Variants in MCF2L observed in about 807,000 individuals in gnomAD.
MCF2L encodes the protein MCF.2 cell line derived transforming sequence like.
MCF2L carries 97 observed loss-of-function variants against 153.4 expected under a neutral mutation model. The observed-to-expected ratio is 0.63, with a 90% CI of 0.54 to 0.75. The LOEUF (loss-of-function observed/expected upper bound fraction) is 0.75. Ranked by LOEUF, MCF2L falls within the 30% of genes least tolerant of loss-of-function variation. The probability of loss-of-function intolerance (pLI) is 0.00; values close to 1 mark genes in which losing one functional copy is unlikely to be tolerated. For missense variants in MCF2L, 1,347 were observed against 1,495.2 expected (o/e 0.90, Z 1.64); for synonymous variants, 659 against 632.2 (o/e 1.04, Z -0.64).
intron 1 of MCF2L, among the ~76,000 whole-genome samples, chr13:112,896,819 A>G (rs1321143192): frequency 6.6e-6 from 1 of 152,166 alleles, no homozygotes; most frequent in African/African-American, 2.4e-5. Context: ...CTGGCATCCC[A>G]ATGCAGGTTC....
rs1026931658 is a variant in MCF2L at position 113,045,064 on chromosome 13, G to C, written c.279-207G>C. ...TGAGAAATAAGAACACACCAAAAGT[G>C]CCTGCCCTTCCGTAGATGAGAGCAG... On this transcript the variant is annotated intron_variant, in intron 3 of 29. Transcript: ENST00000535094. The surrounding 1 kb of genome is among the most constrained non-coding windows in gnomAD (Gnocchi z 4.2). 6.8e-6 allele frequency: 7 copies of C among 1,033,270 alleles called. No individual in the cohort carries two copies. The highest frequency in any genetic ancestry group is 9.9e-6 in the Non-Finnish European group (7 of 704,474). 64.0% of individuals were successfully genotyped at this position (1,033,270 alleles called of 1,614,324 possible). A position where few individuals can be genotyped will look rare whatever the true frequency, so the allele number is the denominator to read the frequency against.
intron 1 of MCF2L, among the ~76,000 whole-genome samples, chr13:112,989,098 G>A (rs372911820): frequency 1.6e-5 from 1 of 62,166 alleles, no homozygotes; most frequent in African/African-American, 5.5e-5. Flanking sequence ...AGGGGATGGA[G>A]CTACCACACC....
chr13:113,091,569 GTTTGCCCCGACAC>G (rs2035217136), intron 26 of MCF2L, among the ~76,000 whole-genome samples: 1 of 152,172 alleles, frequency 6.6e-6, no homozygotes. Context: ...CTGTGGCACA[GTTTGCCCCGACAC>G]TTCCTGCTGG....
At chr13:112,950,470 T>C (rs1158021706) in intron 2 of MCF2L, among the ~76,000 whole-genome samples, 3 of 152,204 alleles carry the variant, frequency 2.0e-5, no homozygotes, top group Non-Finnish European at 4.4e-5. Context: ...GGAATCATTC[T>C]ACCCAATACT....
rs571110302 is a variant in MCF2L at position 113,092,498 on chromosome 13, G to T, written c.2954-2016G>T. ...TGGCGTCGAAGCCGGGCCACTGCCC[G>T]TGGGTCATTTCTGCTGTGGTTGGTG... On this transcript the variant is annotated intron_variant, in intron 26 of 29. Transcript: ENST00000535094. Among the ~76,000 whole-genome samples the T allele has an allele frequency of 1.6e-3, 248 of 152,322 alleles. 1 individual carries two copies. Among genetic ancestry groups the T allele is most frequent in the African/African-American group, 5.7e-3 (237 of 41,576 alleles).
At chr13:113,034,937 G>T (rs114826483) in intron 3 of MCF2L, among the ~76,000 whole-genome samples, 11,088 of 152,272 alleles carry the variant, frequency 0.073, 501 homozygotes, top group Non-Finnish European at 0.093. Flanking sequence ...GGCAAGGCAG[G>T]CCCGCAGTCC....
chr13:113,045,244 A>C lies in MCF2L; in HGVS notation c.279-27A>C. The C allele has an allele frequency of 1.9e-6, 3 of 1,585,258 alleles. No homozygotes were observed. The highest frequency in any genetic ancestry group is 2.6e-6 in the Non-Finnish European group (3 of 1,154,130). On this transcript the variant is annotated intron_variant, in intron 3 of 29. Coordinates refer to ENST00000535094, the MANE Select transcript of MCF2L (RefSeq NM_001112732.3). The surrounding 1 kb of genome is among the most constrained non-coding windows in gnomAD (Gnocchi z 4.2). ...AGCCGGCTTCCCACCTGCACACATTAACGGCGGCGTCTCTTCCTCACTGCA... is the reference window on the plus strand; with the variant it reads ...AGCCGGCTTCCCACCTGCACACATTCACGGCGGCGTCTCTTCCTCACTGCA...
chr13:112,982,994 A>C (rs995970622), intron 1 of MCF2L, among the ~76,000 whole-genome samples: 1 of 152,128 alleles, frequency 6.6e-6, no homozygotes, highest in Non-Finnish European at 1.5e-5. Context: ...GGTGACGCTC[A>C]GGAGGCGCTG....
In MCF2L at chr13:112,942,007, G is replaced by A. The variant is rs1370316793; in HGVS notation, c.169+39636G>A. Among the ~76,000 whole-genome samples, 5 of 152,176 alleles carry A rather than the reference G, an allele frequency of 3.3e-5. No homozygotes were observed. The South Asian group carries it at 8.3e-4, about 25-fold the overall frequency. On this transcript the variant is annotated intron_variant, in intron 2 of 29. Coordinates refer to the MCF2L transcript ENST00000375608. ...GTTGCCAAGCGGACCATGGTCTAGC[G>A]GTAGCGTCAGTGTCAAGGAAAAACA...
Position 113,045,108 on chromosome 13 carries a change from T to C in MCF2L, c.279-163T>C. On this transcript the variant is annotated intron_variant, in intron 3 of 29. Coordinates refer to ENST00000535094, the MANE Select transcript of MCF2L (RefSeq NM_001112732.3). This position sits in a 1 kb window ranked among gnomAD's most constrained non-coding sequence, Gnocchi z 4.2. ...AGAGCAGGTTCTGGGACTGCGGGGA[T>C]GGGGCTGCCGGGGCCCCCGTGTGCC... 1.1e-6 allele frequency: 1 copy of C among 912,914 alleles called. No individual in the cohort carries two copies. Among genetic ancestry groups the C allele is most frequent in the Non-Finnish European group, 1.7e-6 (1 of 586,030 alleles). 56.6% of individuals were successfully genotyped at this position (912,914 alleles called of 1,614,324 possible).
intron 3 of MCF2L, among the ~76,000 whole-genome samples, chr13:113,032,524 G>A (rs1048509448): frequency 4.6e-5 from 7 of 152,264 alleles, no homozygotes; most frequent in African/African-American, 1.4e-4. Flanking sequence ...GTGTCGTGGC[G>A]CCCTTCTACC....
rs9549319 is a variant in MCF2L, at chr13:112,920,387, G to C, written c.169+18016G>C. 8.1e-3 allele frequency among the ~76,000 whole-genome samples: 1,229 copies of C among 152,270 alleles called. 11 individuals carry two copies. Among genetic ancestry groups the C allele is most frequent in the Admixed American group, 0.013 (195 of 15,294 alleles). On this transcript the variant is annotated intron_variant, in intron 2 of 29. Transcript: ENST00000375608. ...TTGCTGCTGGCTTGTGTGTGTGTGT[G>C]CACACGCGTGTTTGTGATCAGTTAT...
At chr13:112,971,094 C>T (rs571606219) in intron 1 of MCF2L, among the ~76,000 whole-genome samples, 9 of 152,306 alleles carry the variant, frequency 5.9e-5, no homozygotes, top group African/African-American at 2.2e-4. Context: ...TTTCTGCTCA[C>T]GCTGTGTGAG....
intron 5 of MCF2L, among the ~76,000 whole-genome samples, chr13:113,061,278 G>A (rs2031364066): frequency 1.3e-5 from 2 of 152,140 alleles, no homozygotes; most frequent in Non-Finnish European, 2.9e-5. Flanking sequence ...CACTGAGAAA[G>A]CACCTTCAGT....
At position 112,993,859 on chromosome 13, in the gene MCF2L, G is replaced by A. The variant is rs568134555; in HGVS notation, c.80-20904G>A. Among the ~76,000 whole-genome samples, 1 of 152,218 alleles carries A rather than the reference G, an allele frequency of 6.6e-6. No individual in the cohort carries two copies. The highest frequency in any genetic ancestry group is 1.9e-4 in the East Asian group (1 of 5,160). On this transcript the variant is annotated intron_variant, in intron 1 of 29. Transcript: ENST00000535094. The surrounding 1 kb of genome is among the most constrained non-coding windows in gnomAD (Gnocchi z 4.6). ...GTTAAGAGACGTGTTTGCCTCCTGG[G>A]TGGGTAGGATTTTCCCCTCCCTTAG...
In MCF2L at chr13:112,997,984, GTGCGTCGGCTCTGTGCCC is replaced by G. The variant is rs1039968107; in HGVS notation, c.80-16773_80-16756del. ...CCGCAGCAGCAGCTGTATGAAGCCG[GTGCGTCGGCTCTGTGCCC>G]TGCGTGAGCCCATGTGTGCGGGGCC... On this transcript the variant is annotated intron_variant, in intron 1 of 29. Coordinates refer to ENST00000535094, the MANE Select transcript of MCF2L (RefSeq NM_001112732.3). 9.8e-5 allele frequency among the ~76,000 whole-genome samples: 15 copies of G among 152,346 alleles called. No individual in the cohort carries two copies. The East Asian group carries it at 1.9e-3, about 20-fold the overall frequency.
intron 1 of MCF2L, among the ~76,000 whole-genome samples, chr13:113,011,706 G>A (rs1229387143): frequency 7.0e-6 from 1 of 142,760 alleles, no homozygotes; most frequent in Non-Finnish European, 1.5e-5. Flanking sequence ...GGTGGACACC[G>A]TGATGCGGAC....
intron 1 of MCF2L, among the ~76,000 whole-genome samples, chr13:113,012,797 G>A (rs1173709735): frequency 9.1e-4 from 98 of 107,954 alleles, no homozygotes; most frequent in African/African-American, 2.9e-3. Flanking sequence ...ACTGTGATGC[G>A]GACGGTGGAC....
rs1228072208 is a variant in MCF2L, at chr13:113,072,342, AC to A, written c.997-2099del. Among the ~76,000 whole-genome samples the A allele has an allele frequency of 3.3e-5, 5 of 152,040 alleles. No individual in the cohort carries two copies. The East Asian group carries it at 5.8e-4, about 18-fold the overall frequency. On this transcript the variant is annotated intron_variant, in intron 9 of 29. Transcript: ENST00000535094. Reference sequence around the variant, plus strand: ...TTTTATTCTACCCCCCACCCACAACACCCTGCCCCACTGCGTACTGCCCCAA... The same window carrying A: ...TTTTATTCTACCCCCCACCCACAACACCTGCCCCACTGCGTACTGCCCCAA...
Sources: allele counts gnomAD v4.1 joint callset (sites outside exome capture counted in the v4.1 genomes callset), GRCh38; gene constraint gnomAD v4.1.1; non-coding constraint Gnocchi (gnomAD v3.1); transcripts MANE v1.5; gene names NCBI Gene and HGNC (gene_info 2026-07-23, HGNC 2026-07-21).